The following KIAA1217 variants were observed in gnomAD, a reference collection of about 807,000 sequenced individuals.
The protein encoded by KIAA1217 is KIAA1217.
Under a neutral mutation model 163.9 loss-of-function variants are expected in KIAA1217, and 88 were observed. The observed-to-expected ratio is 0.54, with a 90% CI of 0.45 to 0.64. The LOEUF (loss-of-function observed/expected upper bound fraction) is 0.64, where lower values mean the gene tolerates loss of function less well. Ranked by LOEUF, KIAA1217 falls within the 30% of genes least tolerant of loss-of-function variation. KIAA1217 has a pLI of 0.00. For missense variants in KIAA1217, 2,372 were observed against 2,475.0 expected (o/e 0.96, Z 0.88); for synonymous variants, 903 against 923.1 (o/e 0.98, Z 0.39).
At chr10:23,858,535 A>G (rs1041182477) in intron 1 of KIAA1217, among the ~76,000 whole-genome samples, 1 of 152,144 alleles carries the variant, frequency 6.6e-6, no homozygotes, top group African/African-American at 2.4e-5. Flanking sequence ...TGTCTATAGC[A>G]GATATCAGTA....
chr10:24,509,907 T>C (rs187432619), intron 9 of KIAA1217, among the ~76,000 whole-genome samples: 234 of 152,282 alleles, frequency 1.5e-3, no homozygotes, highest in African/African-American at 5.4e-3. Flanking sequence ...ATAAAGGTCT[T>C]CATCCTCATT....
intron 2 of KIAA1217, among the ~76,000 whole-genome samples, chr10:24,179,831 G>A (rs561172289): frequency 1.3e-3 from 192 of 152,096 alleles, no homozygotes; most frequent in African/African-American, 1.9e-3. Flanking sequence ...CAAGTGATCC[G>A]CCTGTGTCAG....
chr10:24,304,805 A>T (rs189651992), intron 2 of KIAA1217, among the ~76,000 whole-genome samples: 1 of 152,180 alleles, frequency 6.6e-6, no homozygotes, highest in Admixed American at 6.5e-5. Context: ...TGTAGCCTCT[A>T]CAAGAGCACA....
chr10:23,937,062 A>G (rs1843561971), intron 1 of KIAA1217, among the ~76,000 whole-genome samples: 1 of 151,992 alleles, frequency 6.6e-6, no homozygotes, highest in East Asian at 1.9e-4. Flanking sequence ...TTTAGTAGAG[A>G]CAGGTTTTCG....
Position 24,189,306 on chromosome 10 carries a change from C to T in KIAA1217, c.-170-30320C>T, listed in dbSNP as rs867748154. ...TGTTAAGTGGTTGGCCGAAGGAGCA[C>T]AGAGATCATAGGATGACCCCAAATC... On this transcript the variant is annotated intron_variant, in intron 2 of 18. Coordinates refer to the KIAA1217 transcript ENST00000376462. Among the ~76,000 whole-genome samples, 3 of 152,056 alleles carry T rather than the reference C, an allele frequency of 2.0e-5. No homozygotes were observed. The South Asian group carries it at 6.2e-4, about 32-fold the overall frequency.
At chr10:24,425,271 T>G (rs1252615986) in intron 3 of KIAA1217, among the ~76,000 whole-genome samples, 1 of 152,192 alleles carries the variant, frequency 6.6e-6, no homozygotes, top group African/African-American at 2.4e-5. Context: ...TTACCACCCT[T>G]CACATTTTAG....
At chr10:24,157,048 C>T (rs928289863) in intron 2 of KIAA1217, among the ~76,000 whole-genome samples, 4 of 152,300 alleles carry the variant, frequency 2.6e-5, no homozygotes, top group African/African-American at 9.6e-5. Context: ...ATTGCTGGAT[C>T]ATATAGGAAG....
intron 1 of KIAA1217, among the ~76,000 whole-genome samples, chr10:23,904,555 A>C (rs1316734317): frequency 2.0e-5 from 3 of 152,116 alleles, no homozygotes; most frequent in African/African-American, 7.2e-5. Flanking sequence ...ACACTTCCAC[A>C]TCAAGGTGAG....
chr10:24,288,209 A>G (rs4748936), intron 2 of KIAA1217, among the ~76,000 whole-genome samples: 7,011 of 152,278 alleles, frequency 0.046, 187 homozygotes, highest in East Asian at 0.13. Flanking sequence ...AAGTTGGATT[A>G]TGTATATTAT....
intron 1 of KIAA1217, among the ~76,000 whole-genome samples, chr10:24,002,786 T>C (rs953466945): frequency 2.6e-5 from 4 of 152,098 alleles, no homozygotes; most frequent in Non-Finnish European, 4.4e-5. Flanking sequence ...TGTGTAGTCT[T>C]TCATCCCTCA....
chr10:23,859,896 G>T (rs188749860), intron 1 of KIAA1217, among the ~76,000 whole-genome samples: 3 of 151,352 alleles, frequency 2.0e-5, no homozygotes, highest in African/African-American at 7.3e-5. Flanking sequence ...ATTACTCAGA[G>T]TCACAGACCT....
intron 5 of KIAA1217, among the ~76,000 whole-genome samples, chr10:24,467,389 C>A (rs186119251): frequency 6.6e-6 from 1 of 152,098 alleles, no homozygotes; most frequent in East Asian, 1.9e-4. Flanking sequence ...GAGGTTTGGG[C>A]AGTAATGGAA....
intron 1 of KIAA1217, among the ~76,000 whole-genome samples, chr10:23,919,990 A>G (rs1842795400): frequency 6.6e-6 from 1 of 152,158 alleles, no homozygotes; most frequent in Non-Finnish European, 1.5e-5. Context: ...AGAAATGCCA[A>G]TCCCAGGGTC....
chr10:23,719,347 A>G lies in KIAA1217; in HGVS notation c.-321+24113A>G, dbSNP rs529572781. The stretch of plus-strand genomic sequence containing the variant: ...TGTAATCCCAACACTTTGAGAGGCC[A>G]AGGAGAGCAGATCACTTGAGGCCAG... On this transcript the variant is annotated intron_variant, in intron 1 of 18. Transcript: ENST00000376462. 2.0e-5 allele frequency among the ~76,000 whole-genome samples: 3 copies of G among 152,274 alleles called. No individual in the cohort carries two copies. The East Asian group carries it at 5.8e-4, about 29-fold the overall frequency.
At position 23,790,111 on chromosome 10, in the gene KIAA1217, GCATATACACATATACA is replaced by G. The variant is rs1231400770; in HGVS notation, c.-321+94883_-321+94898del. On this transcript the variant is annotated intron_variant, in intron 1 of 18. Coordinates refer to the KIAA1217 transcript ENST00000376462. ...TATGCATATACACATATACACATAT[GCATATACACATATACA>G]CATATGCATATACACATATACACAT... 4.8e-5 allele frequency among the ~76,000 whole-genome samples: 3 copies of G among 63,018 alleles called. 1 individual carries two copies. The highest frequency in any genetic ancestry group is 1.6e-4 in the African/African-American group (2 of 12,762). 41.3% of individuals were successfully genotyped at this position (63,018 alleles called of 152,430 possible).
chr10:23,748,890 G>A (rs185152060), intron 1 of KIAA1217, among the ~76,000 whole-genome samples: 3 of 152,116 alleles, frequency 2.0e-5, no homozygotes, highest in African/African-American at 7.2e-5. Flanking sequence ...GGTAATGTCA[G>A]TGTCTTAAAA....
intron 1 of KIAA1217, among the ~76,000 whole-genome samples, chr10:23,700,448 A>C (rs1836365725): frequency 6.6e-6 from 1 of 152,142 alleles, no homozygotes; most frequent in African/African-American, 2.4e-5. Context: ...CACATAAGGC[A>C]AATAATGTGA....
chr10:23,972,761 G>A (rs995518849), intron 1 of KIAA1217, among the ~76,000 whole-genome samples: 1 of 150,854 alleles, frequency 6.6e-6, no homozygotes, highest in Non-Finnish European at 1.5e-5. Context: ...TACATACCAT[G>A]GAATACTATG....
At position 23,942,918 on chromosome 10, in the gene KIAA1217, G is replaced by C. The variant is rs546433692; in HGVS notation, c.-320-64307G>C. Among the ~76,000 whole-genome samples the C allele has an allele frequency of 7.9e-4, 113 of 143,610 alleles. 2 individuals carry two copies. The highest frequency in any genetic ancestry group is 3.7e-3 in the Middle Eastern group (1 of 272). The allele number at this position is 143,610 out of a possible 152,430, so 94.2% of individuals were successfully genotyped here. On this transcript the variant is annotated intron_variant, in intron 1 of 18. Transcript: ENST00000376462. ...AGGCCAGGAGTTCAAGATCAGCCTG[G>C]ACAACATAGTGATATCCTGTCTGTA... is the stretch of plus-strand genomic sequence containing the variant.
Sources: allele counts gnomAD v4.1 joint callset (sites outside exome capture counted in the v4.1 genomes callset), GRCh38; gene constraint gnomAD v4.1.1; transcripts MANE v1.5; gene names NCBI Gene and HGNC (gene_info 2026-07-23, HGNC 2026-07-21).